CDH18: variants seen among roughly 807,000 people sequenced by gnomAD.
CDH18 encodes the protein cadherin 18.
In CDH18, 31 loss-of-function variants were observed where a neutral mutation model predicts 67.9. That is an observed-to-expected ratio of 0.46 (90% CI 0.34 to 0.62). The LOEUF (loss-of-function observed/expected upper bound fraction) is 0.62. Among genes scored for constraint, CDH18 ranks in the 20% least tolerant of loss-of-function variants. CDH18 has a pLI of 0.01. For missense variants in CDH18, 890 were observed against 975.5 expected (o/e 0.91, Z 1.17); for synonymous variants, 362 against 347.2 (o/e 1.04, Z -0.48).
intron 1 of CDH18, among the ~76,000 whole-genome samples, chr5:20,368,593 G>C (rs1029030965): frequency 6.6e-6 from 1 of 152,126 alleles, no homozygotes; most frequent in African/African-American, 2.4e-5. Context: ...CTTTTGAATT[G>C]AAGAAAAAAG....
chr5:19,494,137 T>A (rs1741914781), intron 11 of CDH18, among the ~76,000 whole-genome samples: 1 of 152,074 alleles, frequency 6.6e-6, no homozygotes, highest in South Asian at 2.1e-4. Flanking sequence ...TATTTCATCA[T>A]CTGTCAAGTT....
rs145260892 is a variant in CDH18 at position 20,450,837 on chromosome 5, C to T, written c.-580+124625G>A. Among the ~76,000 whole-genome samples the T allele has an allele frequency of 4.7e-3, 723 of 152,260 alleles. 7 individuals carry two copies. The highest frequency in any genetic ancestry group is 0.027 in the Middle Eastern group (8 of 294). On this transcript the variant is annotated intron_variant, in intron 1 of 14. Coordinates refer to the CDH18 transcript ENST00000507958. ...ATAACAGAAAGAGGTTTAATTGACT[C>T]ACAGTTCCACATGGCTAGGAAAGCC...
chr5:19,719,904 A>AGAAAGAAAGAAAGAAC (rs1467744841), intron 5 of CDH18, among the ~76,000 whole-genome samples: 47 of 6,710 alleles, frequency 7.0e-3, no homozygotes, highest in African/African-American at 0.029. Flanking sequence ...GTTAAGCAAG[A>AGAAAGAAAGAAAGAAC]GAAAGAAAGA....
chr5:20,310,102 C>A (rs1736856930), intron 1 of CDH18, among the ~76,000 whole-genome samples: 1 of 152,026 alleles, frequency 6.6e-6, no homozygotes, highest in Non-Finnish European at 1.5e-5. Flanking sequence ...TAATATTCTG[C>A]AAATTGAGGA....
intron 2 of CDH18, among the ~76,000 whole-genome samples, chr5:20,059,585 C>A (rs1006613853): frequency 7.9e-5 from 12 of 152,154 alleles, no homozygotes; most frequent in African/African-American, 1.2e-4. Flanking sequence ...ACCAGAAATA[C>A]CATTTGAACC....
At chr5:19,999,784 T>C (rs1736298564) in intron 2 of CDH18, among the ~76,000 whole-genome samples, 1 of 152,162 alleles carries the variant, frequency 6.6e-6, no homozygotes. Context: ...AGAGCATTAA[T>C]ACCAAGCATG....
In CDH18 at chr5:20,093,714, A is replaced by C. The variant is rs181962215; in HGVS notation, c.-517-101700T>G. Among the ~76,000 whole-genome samples the C allele has an allele frequency of 2.0e-5, 3 of 152,324 alleles. No homozygotes were observed. The East Asian group carries it at 5.8e-4, about 29-fold the overall frequency. On this transcript the variant is annotated intron_variant, in intron 2 of 14. Coordinates refer to the CDH18 transcript ENST00000507958. The stretch of plus-strand genomic sequence containing the variant: ...GGTAATCAGGTATTAAGGAACAGGT[A>C]AGTGAGTAAACATACTATGAGTTGC...
intron 9 of CDH18, among the ~76,000 whole-genome samples, chr5:19,529,634 C>G (rs1748284370): frequency 6.6e-6 from 1 of 151,956 alleles, no homozygotes; most frequent in Admixed American, 6.6e-5. Context: ...CTAGCAGTAT[C>G]ACAGGATACA....
intron 1 of CDH18, among the ~76,000 whole-genome samples, chr5:20,360,384 T>C (rs1434613817): frequency 6.6e-6 from 1 of 152,130 alleles, no homozygotes; most frequent in African/African-American, 2.4e-5. Flanking sequence ...TTTGAAGATT[T>C]ATAACTGGGA....
chr5:20,104,995 A>T (rs925390541), intron 2 of CDH18, among the ~76,000 whole-genome samples: 43 of 149,770 alleles, frequency 2.9e-4, no homozygotes, highest in African/African-American at 7.8e-4. Flanking sequence ...TTATAATTTT[A>T]TTTTTTTTTT....
chr5:19,504,970 T>G (rs189281369), intron 10 of CDH18, among the ~76,000 whole-genome samples: 2 of 152,282 alleles, frequency 1.3e-5, no homozygotes, highest in East Asian at 3.9e-4. Context: ...ATTATTTTAA[T>G]TATTTCTTAA....
At chr5:19,878,048 A>G (rs541287135) in intron 2 of CDH18, 1 of 152,232 alleles carries the variant, frequency 6.6e-6, no homozygotes, top group East Asian at 1.9e-4. Context: ...GTAAGAAGGT[A>G]GTTGTAGAAC....
intron 1 of CDH18, among the ~76,000 whole-genome samples, chr5:20,393,263 C>T (rs953549647): frequency 3.3e-5 from 5 of 151,892 alleles, no homozygotes; most frequent in Admixed American, 1.3e-4. Context: ...TCAGTGGGGA[C>T]ATTTGATAAG....
intron 11 of CDH18, among the ~76,000 whole-genome samples, chr5:19,502,095 G>A (rs779271077): frequency 2.0e-4 from 31 of 152,146 alleles, no homozygotes; most frequent in Non-Finnish European, 4.0e-4. Flanking sequence ...TGGGAAAAAT[G>A]CTTTTGGCAG....
At chr5:19,881,499 T>G (rs949617652) in intron 2 of CDH18, among the ~76,000 whole-genome samples, 6 of 151,108 alleles carry the variant, frequency 4.0e-5, no homozygotes, top group African/African-American at 1.5e-4. Context: ...ACCCAGCTCT[T>G]CAAGTGCTTT....
chr5:19,922,587 T>C (rs1303006696), intron 2 of CDH18, among the ~76,000 whole-genome samples: 1 of 152,198 alleles, frequency 6.6e-6, no homozygotes, highest in Non-Finnish European at 1.5e-5. Flanking sequence ...ACAAGATCTT[T>C]GTTGGCTTGT....
At chr5:19,623,875 C>T (rs1240653760) in intron 5 of CDH18, among the ~76,000 whole-genome samples, 1 of 150,794 alleles carries the variant, frequency 6.6e-6, no homozygotes, top group African/African-American at 2.4e-5. Flanking sequence ...ATGATTTCTC[C>T]TGCATTACCA....
intron 2 of CDH18, among the ~76,000 whole-genome samples, chr5:20,062,140 A>AAGAATTATTATT (rs1554085578): frequency 7.3e-6 from 1 of 137,930 alleles, no homozygotes; most frequent in East Asian, 2.1e-4. Context: ...TTAAGCCCAG[A>AAGAATTATTATT]ATTATTATTA....
chr5:20,464,676 C>T (rs1203337819), intron 1 of CDH18, among the ~76,000 whole-genome samples: 6 of 152,104 alleles, frequency 3.9e-5, no homozygotes, highest in Non-Finnish European at 7.4e-5. Flanking sequence ...ATCTATATTC[C>T]AAATTCTGAT....
Sources: gnomAD v4.1 joint callset for allele counts (sites outside exome capture counted in the v4.1 genomes callset) on GRCh38, gnomAD v4.1.1 for gene constraint, MANE v1.5 for transcripts, NCBI Gene and HGNC (gene_info 2026-07-23, HGNC 2026-07-21) for gene names.